The following LASP1 variants were observed in gnomAD, a reference collection of about 807,000 sequenced individuals.
LASP1 encodes LIM and SH3 protein 1.
Under a neutral mutation model 38.6 loss-of-function variants are expected in LASP1, and 10 were observed. That is an observed-to-expected ratio of 0.26 (90% CI 0.16 to 0.44). The LOEUF (loss-of-function observed/expected upper bound fraction) is 0.44. LASP1 is among the 20% of genes least tolerant of loss of function. The pLI is 1.00. For synonymous variants in LASP1, 132 were observed against 140.8 expected (o/e 0.94, Z 0.44); for missense variants, 243 against 375.7 (o/e 0.65, Z 2.92).
chr17:38,890,349 C>A, intron 2 of LASP1, 71 bp from the exon 3 acceptor site: 2 of 1,411,408 alleles, frequency 1.4e-6, no homozygotes, highest in Non-Finnish European at 1.0e-6. Flanking sequence ...GGAGGGCATG[C>A]TCTGTGAGAA....
chr17:38,880,474 C>T (rs1028846572), intron 2 of LASP1, among the ~76,000 whole-genome samples: 1 of 152,248 alleles, frequency 6.6e-6, no homozygotes, highest in African/African-American at 2.4e-5. Flanking sequence ...TCCCCTGTCT[C>T]CCTCCTGGCC....
At chr17:38,880,364 C>T in intron 2 of LASP1, among the ~76,000 whole-genome samples, 1 of 152,224 alleles carries the variant, frequency 6.6e-6, no homozygotes, top group Non-Finnish European at 1.5e-5. Context: ...GAAGCTGCCA[C>T]AAGGTTGGGT....
chr17:38,888,726 A>G (rs982448318), intron 2 of LASP1, among the ~76,000 whole-genome samples: 6 of 152,260 alleles, frequency 3.9e-5, no homozygotes, highest in Non-Finnish European at 5.9e-5. Context: ...GTGATAAATA[A>G]GTTAATTATG....
At chr17:38,875,886 A>G (rs1007783677) in intron 1 of LASP1, among the ~76,000 whole-genome samples, 2 of 152,150 alleles carry the variant, frequency 1.3e-5, no homozygotes, top group Non-Finnish European at 2.9e-5. Flanking sequence ...GGGCTCCTTC[A>G]AAAGTCCCCC....
chr17:38,890,986 C>T (rs1256365768), intron 3 of LASP1, among the ~76,000 whole-genome samples: 2 of 152,194 alleles, frequency 1.3e-5, no homozygotes, highest in East Asian at 3.9e-4. Context: ...TGTTCCGCCT[C>T]TGTCTCCTTT....
rs1233881532 is a variant in LASP1 at position 38,919,867 on chromosome 17, AGT to A, written c.*1095_*1096del. 2.1e-6 allele frequency: 1 copy of A among 470,812 alleles called. No individual in the cohort carries two copies. The highest frequency in any genetic ancestry group is 1.9e-5 in the African/African-American group (1 of 52,008). 29.2% of individuals were successfully genotyped at this position (470,812 alleles called of 1,614,324 possible). On this transcript the variant is annotated 3_prime_UTR_variant, in exon 7 of 7. Coordinates refer to ENST00000318008, the MANE Select transcript of LASP1 (RefSeq NM_006148.4). The stretch of plus-strand genomic sequence containing the variant: ...TATGTCTGCAGGTGTCTGACACGCA[AGT>A]GTGTGAGTGTGAGTGTGAGAGATGG...
chr17:38,886,529 C>T (rs1316351034), intron 2 of LASP1, among the ~76,000 whole-genome samples: 1 of 152,100 alleles, frequency 6.6e-6, no homozygotes, highest in African/African-American at 2.4e-5. Flanking sequence ...CCCCCACTTC[C>T]CTTCTGATGG....
In LASP1 at chr17:38,919,898, G is replaced by A. The variant is rs1915251235; in HGVS notation, c.*1120G>A. The A allele has an allele frequency of 4.0e-6, 2 of 505,478 alleles. No homozygotes were observed. The highest frequency in any genetic ancestry group is 7.7e-6 in the Non-Finnish European group (2 of 259,272). 31.3% of individuals were successfully genotyped at this position (505,478 alleles called of 1,614,324 possible). On this transcript the variant is annotated 3_prime_UTR_variant, in exon 7 of 7. Coordinates refer to ENST00000318008, the MANE Select transcript of LASP1 (RefSeq NM_006148.4). The stretch of plus-strand genomic sequence containing the variant: ...TGAGTGTGAGTGTGAGAGATGGGGC[G>A]GGGGTGTGTCTGTAGGTGTCTCTGG...
chr17:38,884,203 G>A (rs1030757792), intron 2 of LASP1, among the ~76,000 whole-genome samples: 2 of 151,866 alleles, frequency 1.3e-5, no homozygotes, highest in African/African-American at 4.8e-5. Flanking sequence ...TGACCCTGGA[G>A]TGTGGCTGAT....
chr17:38,911,824 C>T (rs565623365), intron 4 of LASP1, among the ~76,000 whole-genome samples: 9 of 152,076 alleles, frequency 5.9e-5, no homozygotes, highest in African/African-American at 1.9e-4. Context: ...CACGGAGTCT[C>T]ACTCTGTCAC....
intron 4 of LASP1, among the ~76,000 whole-genome samples, chr17:38,902,395 T>A (rs1336948586): frequency 2.5e-4 from 27 of 109,060 alleles, no homozygotes; most frequent in Non-Finnish European, 3.7e-4. Context: ...TTTTTTTTTT[T>A]AATCAGAGAC....
intron 3 of LASP1, among the ~76,000 whole-genome samples, chr17:38,893,922 C>A (rs944943470): frequency 6.6e-6 from 1 of 152,242 alleles, no homozygotes; most frequent in African/African-American, 2.4e-5. Flanking sequence ...CTCTCCATGC[C>A]CCTTCTGGGC....
At chr17:38,906,040 A>G (rs1914769552) in intron 4 of LASP1, among the ~76,000 whole-genome samples, 1 of 152,138 alleles carries the variant, frequency 6.6e-6, no homozygotes. Flanking sequence ...AGCCTTGGTG[A>G]CAGAGCGAGA....
At chr17:38,891,589 C>A (rs1391729094) in intron 3 of LASP1, among the ~76,000 whole-genome samples, 1 of 152,126 alleles carries the variant, frequency 6.6e-6, no homozygotes, top group Non-Finnish European at 1.5e-5. Flanking sequence ...ATATTCACAG[C>A]TGACGATGGA....
intron 1 of LASP1, among the ~76,000 whole-genome samples, chr17:38,871,114 G>A (rs1913595462): frequency 6.9e-6 from 1 of 144,662 alleles, no homozygotes; most frequent in Non-Finnish European, 1.5e-5. Context: ...GGTTGGCTGA[G>A]TTCTGGGGAA....
chr17:38,878,396 A>G (rs777480097), intron 2 of LASP1, among the ~76,000 whole-genome samples: 1 of 152,212 alleles, frequency 6.6e-6, no homozygotes, highest in Non-Finnish European at 1.5e-5. Flanking sequence ...CATTTAAAGT[A>G]CAGATGAGGA....
At chr17:38,905,397 G>A (rs1444952840) in intron 4 of LASP1, among the ~76,000 whole-genome samples, 1 of 151,760 alleles carries the variant, frequency 6.6e-6, no homozygotes, top group African/African-American at 2.4e-5. Context: ...GTGTGGTGGC[G>A]CACTCGGTGG....
At chr17:38,886,155 G>T (rs555631623) in intron 2 of LASP1, among the ~76,000 whole-genome samples, 23 of 148,322 alleles carry the variant, frequency 1.6e-4, no homozygotes, top group Admixed American at 1.5e-3. Context: ...TCTCTGTCTC[G>T]CTCTCGCTCT....
At position 38,873,391 on chromosome 17, in the gene LASP1, G is replaced by A. The variant is rs1913665474; in HGVS notation, c.69+3133G>A. Among the ~76,000 whole-genome samples the A allele has an allele frequency of 2.6e-5, 4 of 152,206 alleles. No homozygotes were observed. The South Asian group carries it at 8.3e-4, about 32-fold the overall frequency. On this transcript the variant is annotated intron_variant, in intron 1 of 6. Coordinates refer to ENST00000318008, the MANE Select transcript of LASP1 (RefSeq NM_006148.4). ...TTCACAGCAGCCTCACAAAGTAGGT[G>A]TATTCGCTCTTGTAAACGATGCACT...
Sources: allele counts gnomAD v4.1 joint callset (sites outside exome capture counted in the v4.1 genomes callset), GRCh38; gene constraint gnomAD v4.1.1; transcripts MANE v1.5; gene names NCBI Gene and HGNC (gene_info 2026-07-23, HGNC 2026-07-21).